Variants in EMID1 observed in about 807,000 individuals in gnomAD.
The protein encoded by EMID1 is EMI domain containing 1.
Under a neutral mutation model 60.6 loss-of-function variants are expected in EMID1, and 40 were observed. The ratio of observed to expected loss-of-function variants is 0.66; its 90% CI spans 0.51 to 0.86. The LOEUF (loss-of-function observed/expected upper bound fraction) is 0.86. EMID1 is among the 40% of genes least tolerant of loss of function. The pLI, the probability that EMID1 is intolerant of heterozygous loss-of-function variation, is 0.00. For missense variants in EMID1, 585 were observed against 597.1 expected (o/e 0.98, Z 0.21); for synonymous variants, 242 against 231.0 (o/e 1.05, Z -0.43).
At chr22:29,224,162 C>T (rs570578788) in intron 3 of EMID1, among the ~76,000 whole-genome samples, 7 of 152,366 alleles carry the variant, frequency 4.6e-5, no homozygotes, top group South Asian at 2.1e-4. Context: ...TGGCAGCCTC[C>T]GCTGGGGGCT....
chr22:29,210,569 A>G (rs959233868), intron 1 of EMID1, among the ~76,000 whole-genome samples: 9 of 150,028 alleles, frequency 6.0e-5, no homozygotes, highest in African/African-American at 2.0e-4. Context: ...GTGTCACTCT[A>G]TTGCCCAGGC....
chr22:29,226,144 C>T (rs368728631), intron 4 of EMID1, among the ~76,000 whole-genome samples: 9 of 152,254 alleles, frequency 5.9e-5, no homozygotes, highest in South Asian at 4.1e-4. Flanking sequence ...TGGCTGGGGT[C>T]GCTGGAGAAG....
chr22:29,229,013 C>T (rs953531221), intron 5 of EMID1, among the ~76,000 whole-genome samples: 6 of 152,200 alleles, frequency 3.9e-5, no homozygotes, highest in African/African-American at 1.4e-4. Flanking sequence ...GGGCATTCAG[C>T]AGCCATTTAC....
chr22:29,209,118 TG>T (rs2039787210), intron 1 of EMID1, among the ~76,000 whole-genome samples: 1 of 152,172 alleles, frequency 6.6e-6, no homozygotes, highest in Non-Finnish European at 1.5e-5. Context: ...CGGGCCCGCT[TG>T]GCTGCCTCCT....
At chr22:29,235,307 C>T (rs1308078473) in intron 12 of EMID1, among the ~76,000 whole-genome samples, 3 of 144,236 alleles carry the variant, frequency 2.1e-5, no homozygotes, top group Non-Finnish European at 3.0e-5. Context: ...GAGATCACAC[C>T]ATTGTGCTCC....
chr22:29,214,680 C>A (rs979814221), intron 1 of EMID1, among the ~76,000 whole-genome samples: 4 of 152,108 alleles, frequency 2.6e-5, no homozygotes, highest in Non-Finnish European at 5.9e-5. Context: ...CCCTGCCATT[C>A]ATTCCTCAAG....
intron 13 of EMID1, among the ~76,000 whole-genome samples, chr22:29,249,539 C>T (rs1425499215): frequency 6.6e-6 from 1 of 151,792 alleles, no homozygotes; most frequent in Admixed American, 6.6e-5. Context: ...TCCCAAAGTG[C>T]TGGGATTACA....
chr22:29,214,054 T>C (rs1320510118), intron 1 of EMID1, among the ~76,000 whole-genome samples: 1 of 152,222 alleles, frequency 6.6e-6, no homozygotes, highest in Non-Finnish European at 1.5e-5. Context: ...ATATAATAAG[T>C]GCTCAATATG....
intron 3 of EMID1, among the ~76,000 whole-genome samples, chr22:29,222,115 A>AT (rs1275556748): frequency 2.0e-5 from 3 of 151,938 alleles, no homozygotes; most frequent in Non-Finnish European, 2.9e-5. Flanking sequence ...TGATTTTATT[A>AT]TTTTTTTTAG....
chr22:29,248,849 ATAAG>A (rs1401417931), intron 13 of EMID1, among the ~76,000 whole-genome samples: 7 of 152,088 alleles, frequency 4.6e-5, no homozygotes, highest in African/African-American at 4.8e-5. Context: ...TCAAAAATAA[ATAAG>A]TAAGTAAAAT....
chr22:29,234,054 C>T (rs2040850415), intron 10 of EMID1, 83 bp from the exon 11 acceptor site: 1 of 1,498,880 alleles, frequency 6.7e-7, no homozygotes, highest in Non-Finnish European at 9.0e-7. Flanking sequence ...AGCTTGAGCG[C>T]CCTCCCCAAC....
chr22:29,226,364 G>A, intron 4 of EMID1, 126 bp from the exon 5 acceptor site: 3 of 1,032,728 alleles, frequency 2.9e-6, no homozygotes, highest in Non-Finnish European at 4.2e-6. Flanking sequence ...CAAGCCTAAG[G>A]TCCCTCGTGG....
chr22:29,214,055 G>T (rs2039991048), intron 1 of EMID1, among the ~76,000 whole-genome samples: 1 of 152,212 alleles, frequency 6.6e-6, no homozygotes, highest in South Asian at 2.1e-4. Context: ...TATAATAAGT[G>T]CTCAATATGT....
chr22:29,218,315 G>C (rs1474676857), intron 3 of EMID1, among the ~76,000 whole-genome samples: 1 of 152,226 alleles, frequency 6.6e-6, no homozygotes, highest in Non-Finnish European at 1.5e-5. Flanking sequence ...AGGACTTCAC[G>C]GCACTGGGCC....
At chr22:29,211,548 C>T (rs2039882988) in intron 1 of EMID1, among the ~76,000 whole-genome samples, 2 of 150,808 alleles carry the variant, frequency 1.3e-5, no homozygotes, top group African/African-American at 4.9e-5. Flanking sequence ...TATGCATGAA[C>T]ATGTGTGTCC....
At chr22:29,225,363 C>A in intron 4 of EMID1, 147 bp downstream of exon 4, 1 of 872,128 alleles carries the variant, frequency 1.1e-6, no homozygotes, top group Non-Finnish European at 1.7e-6. Context: ...CCATGCTCCC[C>A]AGGCTACAAA....
In EMID1 at chr22:29,249,587, ATTATTTATTTAT is replaced by A. The variant is rs140494856; in HGVS notation, c.1120-4585_1120-4574del. On this transcript the variant is annotated intron_variant, in intron 13 of 14. Coordinates refer to ENST00000334018, the MANE Select transcript of EMID1 (RefSeq NM_133455.4). ...TGCGCCTGACCCCCAAAATACCTTT[ATTATTTATTTAT>A]TTATTTATTTATTTATTTATTTATT... is the stretch of plus-strand genomic sequence containing the variant. Among the ~76,000 whole-genome samples, 57 of 139,560 alleles carry A rather than the reference ATTATTTATTTAT, an allele frequency of 4.1e-4. 1 individual carries two copies. Among genetic ancestry groups the A allele is most frequent in the South Asian group, 6.9e-4 (3 of 4,326 alleles). 91.6% of individuals were successfully genotyped at this position (139,560 alleles called of 152,430 possible). A position where few individuals can be genotyped will look rare whatever the true frequency, so the allele number is the denominator to read the frequency against.
intron 13 of EMID1, chr22:29,253,875 A>G: frequency 2.0e-6 from 2 of 984,868 alleles, no homozygotes; most frequent in Non-Finnish European, 2.4e-6. Flanking sequence ...GAGGGCTCCC[A>G]GCAGCTTCTG....
At position 29,219,006 on chromosome 22, in the gene EMID1, C is replaced by T. The variant is rs543901951; in HGVS notation, c.319+3376C>T. ...GGACAAGGAGAAAGAAAGCTGCCAC[C>T]GTCCTCCGTGCTGGGCGCTGCAAGG... On this transcript the variant is annotated intron_variant, in intron 3 of 14. Coordinates refer to ENST00000334018, the MANE Select transcript of EMID1 (RefSeq NM_133455.4). 3.1e-3 allele frequency among the ~76,000 whole-genome samples: 471 copies of T among 152,262 alleles called. 4 individuals are homozygous for T. The highest frequency in any genetic ancestry group is 0.011 in the African/African-American group (451 of 41,558).
Sources: allele counts gnomAD v4.1 joint callset (sites outside exome capture counted in the v4.1 genomes callset), GRCh38; gene constraint gnomAD v4.1.1; transcripts MANE v1.5; gene names NCBI Gene and HGNC (gene_info 2026-07-23, HGNC 2026-07-21).